The following SLC41A2 variants were observed in gnomAD, a reference collection of about 807,000 sequenced individuals.
SLC41A2 encodes solute carrier family 41 member 2.
In SLC41A2, 32 loss-of-function variants were observed where a neutral mutation model predicts 58.3. The observed-to-expected ratio is 0.55, with a 90% CI of 0.41 to 0.74. The LOEUF is 0.74. SLC41A2 is among the 30% of genes least tolerant of loss of function. SLC41A2 has a pLI of 0.00. For synonymous variants in SLC41A2, 190 were observed against 235.0 expected (o/e 0.81, Z 1.75); for missense variants, 514 against 680.6 (o/e 0.76, Z 2.72).
intron 6 of SLC41A2, among the ~76,000 whole-genome samples, chr12:104,879,687 T>C (rs1271974561): frequency 6.6e-6 from 1 of 152,230 alleles, no homozygotes; most frequent in Non-Finnish European, 1.5e-5. Context: ...TATGCTGTTT[T>C]GGTTACTTTA....
chr12:104,925,479 AC>A (rs1173431575), intron 2 of SLC41A2, among the ~76,000 whole-genome samples: 1 of 151,980 alleles, frequency 6.6e-6, no homozygotes, highest in Non-Finnish European at 1.5e-5. Flanking sequence ...AACGGTATGA[AC>A]CCGGGAGGCG....
At chr12:104,947,148 A>G (rs1450510139) in intron 1 of SLC41A2, among the ~76,000 whole-genome samples, 1 of 151,786 alleles carries the variant, frequency 6.6e-6, no homozygotes, top group Admixed American at 6.6e-5. Context: ...TACAATCACA[A>G]AAATGTTGTA....
intron 6 of SLC41A2, among the ~76,000 whole-genome samples, chr12:104,870,222 G>C (rs1871182797): frequency 6.6e-6 from 1 of 152,162 alleles, no homozygotes; most frequent in South Asian, 2.1e-4. Flanking sequence ...TGTGACCACA[G>C]AAACAGAGAT....
At chr12:104,839,437 GA>G (rs1419788189) in intron 10 of SLC41A2, among the ~76,000 whole-genome samples, 1 of 151,718 alleles carries the variant, frequency 6.6e-6, no homozygotes, top group Admixed American at 6.6e-5. Flanking sequence ...AATAGTAATA[GA>G]CTTATTTACA....
At chr12:104,935,732 C>A (rs2047236633) in intron 1 of SLC41A2, among the ~76,000 whole-genome samples, 1 of 152,110 alleles carries the variant, frequency 6.6e-6, no homozygotes, top group African/African-American at 2.4e-5. Flanking sequence ...CATAAGATTA[C>A]AATGGAGCTC....
chr12:104,857,399 C>T (rs1018324332), intron 8 of SLC41A2, among the ~76,000 whole-genome samples: 2 of 152,140 alleles, frequency 1.3e-5, no homozygotes, highest in Non-Finnish European at 2.9e-5. Flanking sequence ...GTTTACACTG[C>T]TGGTGGGACT....
chr12:104,927,969 C>A lies in SLC41A2; in HGVS notation c.555+4G>T. 2.6e-6 allele frequency: 4 copies of A among 1,537,434 alleles called. No individual in the cohort carries two copies. Among genetic ancestry groups the A allele is most frequent in the South Asian group, 1.3e-5 (1 of 77,670 alleles). The stretch of plus-strand genomic sequence containing the variant: ...AGTAAAGTTAAATAAAGATGAAAAC[C>A]CACCTGTACTATATCCAGTACCATG... On this transcript the variant is annotated splice_donor_region_variant and intron_variant, in intron 2 of 10. Transcript: ENST00000258538.
intron 10 of SLC41A2, among the ~76,000 whole-genome samples, chr12:104,808,327 TGTG>T (rs1409673955): frequency 1.3e-5 from 2 of 148,760 alleles, no homozygotes; most frequent in African/African-American, 5.0e-5. Flanking sequence ...GAGATAATCA[TGTG>T]GTTTTTGTCG....
intron 1 of SLC41A2, among the ~76,000 whole-genome samples, chr12:104,941,098 G>T (rs975407262): frequency 3.9e-5 from 6 of 152,148 alleles, no homozygotes; most frequent in Admixed American, 6.5e-5. Flanking sequence ...ACATGGAAGA[G>T]AGGTGAAAGG....
chr12:104,844,387 T>A, intron 10 of SLC41A2, 85 bp downstream of exon 10: 4 of 896,852 alleles, frequency 4.5e-6, no homozygotes, highest in Non-Finnish European at 6.2e-6. Context: ...AATGGTAAAA[T>A]GTGTCATGTG....
In SLC41A2 at chr12:104,845,953, G is replaced by A; in HGVS notation, c.1277C>T (p.Ala426Val). Residue 426 changes from alanine (A) to valine (V), a missense_variant, in exon 9 of 11, where the codon GCC becomes GTC. Around this residue, in one of 3 missense-constraint regions of SLC41A2, gnomAD observed 50 missense variants for 104.5 expected, o/e 0.48. Transcript: ENST00000258538. Reference protein sequence around the residue: ...VINGIGGNLVAIQASRISTYL... With the variant: ...VINGIGGNLVVIQASRISTYL... ...GGTAGAAATCCTGCTAGCCTGAATG[G>A]CCACCAAATTACCACCAATACCTGA... is the stretch of plus-strand genomic sequence containing the variant. The A allele has an allele frequency of 1.2e-6, 2 of 1,613,128 alleles. No individual in the cohort carries two copies. Among genetic ancestry groups the A allele is most frequent in the South Asian group, 1.1e-5 (1 of 90,940 alleles).
In SLC41A2 at chr12:104,952,214, A is replaced by G. The variant is rs117887164; in HGVS notation, c.-168+5874T>C. ...TACTGCATAATGTTCCTAATATTAA[A>G]GGTATTTAGACTCTATCAACGAAGA... On this transcript the variant is annotated intron_variant, in intron 1 of 10. Coordinates refer to ENST00000258538, the MANE Select transcript of SLC41A2 (RefSeq NM_001352171.3). 6.1e-3 allele frequency among the ~76,000 whole-genome samples: 934 copies of G among 152,302 alleles called. 8 individuals are homozygous for G. Among genetic ancestry groups the G allele is most frequent in the Non-Finnish European group, 8.8e-3 (596 of 67,998 alleles).
At position 104,929,193 on chromosome 12, in the gene SLC41A2, A is replaced by G. The variant is rs146985600; in HGVS notation, c.-167-499T>C. Among the ~76,000 whole-genome samples, 34 of 152,324 alleles carry G rather than the reference A, an allele frequency of 2.2e-4. 1 individual carries two copies. The East Asian group carries it at 6.6e-3, about 29-fold the overall frequency. ...TTTTATTATTAAGATATGAAGAGAC[A>G]AGGATGATGTTTACTATAAAAACAC... On this transcript the variant is annotated intron_variant, in intron 1 of 10. Transcript: ENST00000258538.
intron 3 of SLC41A2, among the ~76,000 whole-genome samples, chr12:104,905,672 A>G (rs2045805644): frequency 6.6e-6 from 1 of 152,212 alleles, no homozygotes; most frequent in African/African-American, 2.4e-5. Context: ...GAAGGCAGCT[A>G]AGGCCCGGCG....
At position 104,805,257 on chromosome 12, in the gene SLC41A2, G is replaced by A. The variant is rs759360512; in HGVS notation, c.1617C>T (p.Ile539=). The change falls in exon 11 of 11, where the codon ATC becomes ATT. Residue 539 remains isoleucine (I), a synonymous_variant. Coordinates refer to ENST00000258538, the MANE Select transcript of SLC41A2 (RefSeq NM_001352171.3). ...GATCACCCAATGCTGTTAGGTAGGG[G>A]ATGGAGAAACTATCCGGGTCCTTTC... ...RKGKDPDSFS[I]PYLTALGDLL... is the part of the protein sequence containing the mutation. The A allele has an allele frequency of 1.2e-6, 2 of 1,613,922 alleles. No homozygotes were observed. The highest frequency in any genetic ancestry group is 2.2e-5 in the East Asian group (1 of 44,888).
At chr12:104,855,701 CA>C (rs1357792871) in intron 8 of SLC41A2, among the ~76,000 whole-genome samples, 1 of 152,178 alleles carries the variant, frequency 6.6e-6, no homozygotes, top group Non-Finnish European at 1.5e-5. Context: ...GCTACAATAA[CA>C]TAGCTTTCAT....
intron 4 of SLC41A2, among the ~76,000 whole-genome samples, chr12:104,891,211 C>T (rs1409015186): frequency 1.3e-5 from 2 of 152,092 alleles, no homozygotes; most frequent in Non-Finnish European, 2.9e-5. Context: ...GTTCTTCACA[C>T]TTTCTTGGTG....
chr12:104,835,682 T>C (rs2042185806), intron 10 of SLC41A2, among the ~76,000 whole-genome samples: 1 of 152,184 alleles, frequency 6.6e-6, no homozygotes, highest in African/African-American at 2.4e-5. Context: ...TTGACTTCAG[T>C]AGGCATTGAT....
At chr12:104,918,638 A>AAC (rs964249790) in intron 2 of SLC41A2, among the ~76,000 whole-genome samples, 2 of 151,334 alleles carry the variant, frequency 1.3e-5, no homozygotes, top group Non-Finnish European at 3.0e-5. Context: ...GAAAAAAAAA[A>AAC]AAAAAAAAAC....
Sources: gnomAD v4.1 joint callset for allele counts (sites outside exome capture counted in the v4.1 genomes callset) on GRCh38, gnomAD v4.1.1 for gene constraint, gnomAD v4.1.1 regional missense constraint, MANE v1.5 for transcripts, NCBI Gene and HGNC (gene_info 2026-07-23, HGNC 2026-07-21) for gene names.